Variants in CROCC2 observed in about 807,000 individuals in gnomAD.
The protein encoded by CROCC2 is ciliary rootlet coiled-coil, rootletin family member 2, also known as ciliary rootlet coiled-coil protein 2.
A neutral mutation model predicts 177.6 loss-of-function variants in CROCC2; 163 were observed. The observed-to-expected ratio is 0.92, with a 90% CI of 0.81 to 1.05. The LOEUF is 1.05. CROCC2 is among the 50% of genes least tolerant of loss of function. The probability of loss-of-function intolerance (pLI) is 0.00; values close to 1 mark genes in which losing one functional copy is unlikely to be tolerated. For synonymous variants in CROCC2, 904 were observed against 787.3 expected (o/e 1.15, Z -2.48); for missense variants, 1,929 against 1,797.8 (o/e 1.07, Z -1.32).
At chr2:240,952,280 A>T (rs2059561504) in intron 18 of CROCC2, among the ~76,000 whole-genome samples, 1 of 144,118 alleles carries the variant, frequency 6.9e-6, no homozygotes, top group South Asian at 2.2e-4. Flanking sequence ...CCAGGAGGCA[A>T]GCTTGCAGTG....
intron 4 of CROCC2, 21 bp from the exon 5 acceptor site, chr2:240,925,703 C>G (rs2059391320): frequency 4.3e-6 from 3 of 704,866 alleles, no homozygotes; most frequent in Non-Finnish European, 7.9e-6. Context: ...CCCCACCATG[C>G]CCTGTGGGTT....
At chr2:240,944,818 C>T (rs1441503929) in intron 14 of CROCC2, among the ~76,000 whole-genome samples, 1 of 152,156 alleles carries the variant, frequency 6.6e-6, no homozygotes, top group Admixed American at 6.5e-5. Flanking sequence ...GTGGTCCTGT[C>T]TCCTGATAGG....
intron 1 of CROCC2, among the ~76,000 whole-genome samples, chr2:240,913,338 A>C: frequency 6.7e-6 from 1 of 149,478 alleles, no homozygotes; most frequent in East Asian, 2.0e-4. Flanking sequence ...TTCTTATCCC[A>C]CCTCCCCCAG....
chr2:240,947,737 G>C (rs1445892853), intron 15 of CROCC2, among the ~76,000 whole-genome samples: 1 of 152,182 alleles, frequency 6.6e-6, no homozygotes, highest in African/African-American at 2.4e-5. Flanking sequence ...CTCAGGCCCT[G>C]ACAAGGCTTC....
intron 10 of CROCC2, 64 bp from the exon 11 acceptor site, chr2:240,933,606 C>G (rs2059448250): frequency 6.6e-7 from 1 of 1,505,052 alleles, no homozygotes; most frequent in Non-Finnish European, 8.9e-7. Context: ...CAATGCCCAC[C>G]AAGGCACGCG....
chr2:240,986,091 G>A (rs951023594), intron 28 of CROCC2: 9 of 386,058 alleles, frequency 2.3e-5, no homozygotes, highest in Admixed American at 8.7e-5. Flanking sequence ...TACAGCATGC[G>A]TTGTTTAAAT....
At position 240,950,582 on chromosome 2, in the gene CROCC2, G is replaced by A. The variant is rs374697176; in HGVS notation, c.2829+72G>A. ...CCTGTCACCTCTGGCCCAGCACAAG[G>A]GCTGCATGTGGCCACACCTTAGGCA... On this transcript the variant is annotated intron_variant, in intron 18 of 31. Coordinates refer to ENST00000690015, the MANE Select transcript of CROCC2 (RefSeq NM_001351305.2). 1.2e-5 allele frequency: 17 copies of A among 1,458,320 alleles called. 1 individual carries two copies. The highest frequency in any genetic ancestry group is 1.1e-4 in the African/African-American group (8 of 71,064). 90.3% of individuals were successfully genotyped at this position (1,458,320 alleles called of 1,614,324 possible).
intron 27 of CROCC2, among the ~76,000 whole-genome samples, chr2:240,970,148 C>A (rs1574788634): frequency 2.0e-5 from 3 of 152,304 alleles, no homozygotes; most frequent in African/African-American, 7.2e-5. Context: ...CACTACAATT[C>A]TTTTTGTCAA....
intron 18 of CROCC2, chr2:240,955,541 T>G (rs2059585264): frequency 3.4e-6 from 1 of 290,144 alleles, no homozygotes; most frequent in East Asian, 6.1e-5. Context: ...CCAAACTGCA[T>G]GGGAAAGGGC....
chr2:240,942,279 A>G (rs2059499448), intron 14 of CROCC2, among the ~76,000 whole-genome samples: 1 of 152,166 alleles, frequency 6.6e-6, no homozygotes, highest in Non-Finnish European at 1.5e-5. Context: ...TTAAATGATT[A>G]TTTTTAACCA....
At chr2:240,970,226 G>T (rs4072370) in intron 27 of CROCC2, among the ~76,000 whole-genome samples, 5 of 152,020 alleles carry the variant, frequency 3.3e-5, no homozygotes, top group African/African-American at 4.8e-5. Context: ...GAAGTTTCTC[G>T]GTTAACTTTT....
intron 1 of CROCC2, among the ~76,000 whole-genome samples, chr2:240,916,471 G>A (rs1174034393): frequency 9.2e-5 from 3 of 32,674 alleles, no homozygotes; most frequent in African/African-American, 3.8e-4. Flanking sequence ...CGCTCCCCCC[G>A]TGCCCCCGCG....
intron 29 of CROCC2, among the ~76,000 whole-genome samples, chr2:240,989,382 A>G (rs1291077430): frequency 2.6e-5 from 4 of 152,154 alleles, no homozygotes; most frequent in Non-Finnish European, 4.4e-5. Context: ...CAGCCCAGCC[A>G]AAAGGAACCT....
chr2:240,959,175 C>G, intron 19 of CROCC2, 126 bp from the exon 20 acceptor site: 1 of 1,136,226 alleles, frequency 8.8e-7, no homozygotes, highest in Non-Finnish European at 1.2e-6. Context: ...CTTGCACGAT[C>G]AGCAGGACCC....
chr2:240,955,311 T>C (rs1333512056), intron 18 of CROCC2: 2 of 152,862 alleles, frequency 1.3e-5, no homozygotes, highest in Non-Finnish European at 2.9e-5. Flanking sequence ...CTCCCCCAGA[T>C]GGGCCTGGGC....
In CROCC2 at chr2:240,925,829, C is replaced by T. The variant is rs1487870844; in HGVS notation, c.594C>T (p.Ser198=). 14 of 716,218 alleles carry T rather than the reference C, an allele frequency of 2.0e-5. 1 individual carries two copies. The highest frequency in any genetic ancestry group is 8.9e-5 in the South Asian group (6 of 67,554). The allele number at this position is 716,218 out of a possible 1,614,324, so 44.4% of individuals were successfully genotyped here. A position where few individuals can be genotyped will look rare whatever the true frequency, so the allele number is the denominator to read the frequency against. The part of the protein sequence containing the change: ...LGRELAGMTG[S]VQRLQGELEL... ...GGGAGCTGGCCGGGATGACGGGCAG[C>T]GTGCAGCGCCTGCAGGGCGAGCTGG... Residue 198 remains serine (S), a synonymous_variant, in exon 5 of 32, where the codon AGC becomes AGT. Coordinates refer to ENST00000690015, the MANE Select transcript of CROCC2 (RefSeq NM_001351305.2).
intron 28 of CROCC2, among the ~76,000 whole-genome samples, chr2:240,986,584 C>T (rs145903096): frequency 3.2e-3 from 485 of 152,336 alleles, no homozygotes; most frequent in South Asian, 0.014. Flanking sequence ...CTGGGGGACT[C>T]GAGCTTGTTC....
intron 20 of CROCC2, among the ~76,000 whole-genome samples, chr2:240,961,639 C>T (rs1302623727): frequency 6.8e-6 from 1 of 147,130 alleles, no homozygotes; most frequent in Non-Finnish European, 1.5e-5. Flanking sequence ...ACACGCTCAT[C>T]ACACACGCTC....
rs1056927484 is a variant in CROCC2 at position 240,991,392 on chromosome 2, T to C, written c.4946+114T>C. ...CCCTAGGCTGCTGGGGGAACCACTG[T>C]TGGGAAAACCAATGCCTTGTGCTCT... On this transcript the variant is annotated intron_variant, in intron 31 of 31. Coordinates refer to ENST00000690015, the MANE Select transcript of CROCC2 (RefSeq NM_001351305.2). 4.5e-6 allele frequency: 4 copies of C among 893,206 alleles called. No individual in the cohort carries two copies. In the African/African-American group the frequency reaches 5.1e-5, roughly 11 times the overall value. The allele number at this position is 893,206 out of a possible 1,614,324, so 55.3% of individuals were successfully genotyped here. A position where few individuals can be genotyped will look rare whatever the true frequency, so the allele number is the denominator to read the frequency against.
Sources: allele counts gnomAD v4.1 joint callset (sites outside exome capture counted in the v4.1 genomes callset), GRCh38; gene constraint gnomAD v4.1.1; transcripts MANE v1.5; gene names NCBI Gene and HGNC (gene_info 2026-07-23, HGNC 2026-07-21).